The following PLXNA4 variants were observed in gnomAD, a reference collection of about 807,000 sequenced individuals.
PLXNA4 encodes the protein plexin-A4.
In PLXNA4, 44 loss-of-function variants were observed where a neutral mutation model predicts 191.8. The ratio of observed to expected loss-of-function variants is 0.23; its 90% confidence interval spans 0.18 to 0.29. The LOEUF is 0.29. Among genes scored for constraint, PLXNA4 ranks in the 10% least tolerant of loss-of-function variants. The pLI is 1.00. For synonymous variants in PLXNA4, 1,082 were observed against 1,009.5 expected (o/e 1.07, Z -1.36); for missense variants, 1,800 against 2,488.8 (o/e 0.72, Z 5.89).
intron 2 of PLXNA4, among the ~76,000 whole-genome samples, chr7:132,499,987 C>T (rs1411761261): frequency 6.6e-6 from 1 of 152,122 alleles, no homozygotes; most frequent in Non-Finnish European, 1.5e-5. Flanking sequence ...TGGAGAAGAG[C>T]TCTCTCAGTT....
chr7:132,453,091 C>A (rs1796185273), intron 3 of PLXNA4, among the ~76,000 whole-genome samples: 1 of 152,056 alleles, frequency 6.6e-6, no homozygotes, highest in Non-Finnish European at 1.5e-5. Flanking sequence ...CCCAAAATGA[C>A]AAGAGAAGTG....
chr7:132,173,066 A>G (rs1796341341), intron 21 of PLXNA4, among the ~76,000 whole-genome samples: 1 of 152,174 alleles, frequency 6.6e-6, no homozygotes, highest in Non-Finnish European at 1.5e-5. Context: ...TAGAACTACA[A>G]AGATAAATAA....
intron 3 of PLXNA4, among the ~76,000 whole-genome samples, chr7:132,394,268 G>A (rs75793064): frequency 0.037 from 5,649 of 152,244 alleles, 147 homozygotes; most frequent in Non-Finnish European, 0.052. Context: ...CACCCAAGCC[G>A]ATTTGGTGCA....
chr7:132,538,948 C>G (rs1463845775), intron 1 of PLXNA4, among the ~76,000 whole-genome samples: 1 of 152,224 alleles, frequency 6.6e-6, no homozygotes, highest in Admixed American at 6.5e-5. Flanking sequence ...AACACAAACA[C>G]AGTAGAAATA....
intron 1 of PLXNA4, among the ~76,000 whole-genome samples, chr7:132,561,436 CCCT>C (rs1300915933): frequency 1.9e-5 from 2 of 106,432 alleles, no homozygotes; most frequent in Non-Finnish European, 3.8e-5. Flanking sequence ...CTCTTCCTCC[CCCT>C]CCTTCTTGTC....
At chr7:132,570,826 C>T (rs984410319) in intron 1 of PLXNA4, among the ~76,000 whole-genome samples, 4 of 152,136 alleles carry the variant, frequency 2.6e-5, no homozygotes, top group Non-Finnish European at 4.4e-5. Flanking sequence ...ATGGAGGAAA[C>T]ACCATAGAGG....
At position 132,445,268 on chromosome 7, in the gene PLXNA4, C is replaced by A. The variant is rs183810103; in HGVS notation, c.1371+44024G>T. The stretch of plus-strand genomic sequence containing the variant: ...TAATATTCCCAATCTGCCACCTGCT[C>A]CTCCTTCTATGTGATTTCTCGAGCA... On this transcript the variant is annotated intron_variant, in intron 3 of 31. Transcript: ENST00000321063. Among the ~76,000 whole-genome samples the A allele has an allele frequency of 2.7e-4, 41 of 151,944 alleles. 1 individual carries two copies. Among genetic ancestry groups the A allele is most frequent in the Middle Eastern group, 6.8e-3 (2 of 294 alleles).
intron 1 of PLXNA4, among the ~76,000 whole-genome samples, chr7:132,521,046 G>A (rs1799156837): frequency 6.6e-6 from 1 of 152,050 alleles, no homozygotes; most frequent in Non-Finnish European, 1.5e-5. Context: ...CTATATTCAT[G>A]TAATTAGTGC....
intron 4 of PLXNA4, among the ~76,000 whole-genome samples, chr7:132,258,042 G>A (rs1313163782): frequency 6.6e-6 from 1 of 152,216 alleles, no homozygotes; most frequent in Non-Finnish European, 1.5e-5. Flanking sequence ...AGAAAAGTTG[G>A]ACAGAAAGCT....
Position 132,158,538 on chromosome 7 carries a change from G to A in PLXNA4, c.4660+935C>T, listed in dbSNP as rs115810533. On this transcript the variant is annotated intron_variant, in intron 25 of 31. Coordinates refer to ENST00000321063, the MANE Select transcript of PLXNA4 (RefSeq NM_020911.2). ...TCAGTGACAGCAGCCAATACTTACT[G>A]AATGTGTACAATGGATCACACACTG... Among the ~76,000 whole-genome samples, 261 of 152,312 alleles carry A rather than the reference G, an allele frequency of 1.7e-3. 2 individuals are homozygous for A. The highest frequency in any genetic ancestry group is 6.1e-3 in the African/African-American group (254 of 41,572).
chr7:132,355,122 T>A (rs1803646512), intron 3 of PLXNA4, among the ~76,000 whole-genome samples: 3 of 152,256 alleles, frequency 2.0e-5, no homozygotes, highest in African/African-American at 7.2e-5. Flanking sequence ...GAAGCCTTGC[T>A]CCCAAGCCTT....
chr7:132,315,576 A>T (rs1269886348), intron 3 of PLXNA4, among the ~76,000 whole-genome samples: 1 of 152,172 alleles, frequency 6.6e-6, no homozygotes, highest in Non-Finnish European at 1.5e-5. Context: ...CAAGTGCTGG[A>T]TCTCATTTTC....
intron 1 of PLXNA4, among the ~76,000 whole-genome samples, chr7:132,537,541 A>G (rs568170611): frequency 3.3e-5 from 5 of 152,358 alleles, no homozygotes; most frequent in African/African-American, 9.6e-5. Context: ...GGCTTTAGCT[A>G]GGATTCTCTA....
At chr7:132,159,896 T>C (rs898079179) in intron 24 of PLXNA4, among the ~76,000 whole-genome samples, 3 of 152,210 alleles carry the variant, frequency 2.0e-5, no homozygotes, top group Non-Finnish European at 2.9e-5. Flanking sequence ...ACAAACTTCA[T>C]TAAAATCCTG....
At chr7:132,592,889 C>T (rs1802627288) in intron 2 of PLXNA4, among the ~76,000 whole-genome samples, 1 of 151,212 alleles carries the variant, frequency 6.6e-6, no homozygotes, top group African/African-American at 2.4e-5. Flanking sequence ...ACCCGAAGAC[C>T]TTGTTTTGCC....
intron 21 of PLXNA4, among the ~76,000 whole-genome samples, chr7:132,172,701 A>G (rs1157811229): frequency 7.9e-5 from 12 of 152,264 alleles, no homozygotes; most frequent in Non-Finnish European, 1.6e-4. Flanking sequence ...CAGAAAATCC[A>G]ACTTAAACAT....
At chr7:132,502,993 G>C (rs916937586) in intron 2 of PLXNA4, among the ~76,000 whole-genome samples, 1 of 152,204 alleles carries the variant, frequency 6.6e-6, no homozygotes, top group Admixed American at 6.5e-5. Context: ...GTCAAGGCTT[G>C]ACAGGGAGAT....
intron 21 of PLXNA4, among the ~76,000 whole-genome samples, chr7:132,174,261 T>C (rs1796384675): frequency 6.6e-6 from 1 of 152,148 alleles, no homozygotes; most frequent in African/African-American, 2.4e-5. Flanking sequence ...TGGGATAAAG[T>C]GTTCAAAAGA....
chr7:132,173,222 G>A (rs6970197), intron 21 of PLXNA4, among the ~76,000 whole-genome samples: 20,968 of 152,150 alleles, frequency 0.14, 1,980 homozygotes, highest in African/African-American at 0.25. Context: ...TGAAGCAAAC[G>A]AAGGTGAGGC....
Sources: gnomAD v4.1 joint callset for allele counts (sites outside exome capture counted in the v4.1 genomes callset) on GRCh38, gnomAD v4.1.1 for gene constraint, MANE v1.5 for transcripts, NCBI Gene and HGNC (gene_info 2026-07-23, HGNC 2026-07-21) for gene names.